TMED3: variants seen among roughly 807,000 people sequenced by gnomAD.
The protein encoded by TMED3 is transmembrane emp24 domain-containing protein 3.
TMED3 carries 9 observed loss-of-function variants against 15.0 expected under a neutral mutation model. The observed-to-expected ratio is 0.60, with a 90% CI of 0.36 to 1.04. The LOEUF (loss-of-function observed/expected upper bound fraction) is 1.04. Among genes scored for constraint, TMED3 ranks in the 50% least tolerant of loss-of-function variants. The probability of loss-of-function intolerance (pLI) is 0.01; values close to 1 mark genes in which losing one functional copy is unlikely to be tolerated. For synonymous variants in TMED3, 117 were observed against 121.4 expected (o/e 0.96, Z 0.24); for missense variants, 267 against 278.9 (o/e 0.96, Z 0.30).
At chr15:79,325,060 G>C (rs989210210), downstream of TMED3, among the ~76,000 whole-genome samples, 2 of 152,164 alleles carry the variant, frequency 1.3e-5, no homozygotes, top group Admixed American at 1.3e-4. Context: ...GACAGGTGGA[G>C]TTTGAAGGCA....
intron 2 of TMED3, among the ~76,000 whole-genome samples, chr15:79,400,330 C>T (rs928722796): frequency 2.9e-4 from 44 of 152,190 alleles, no homozygotes; most frequent in African/African-American, 9.7e-4. Flanking sequence ...CTGGCTTCTT[C>T]GGTGATCTGT....
chr15:79,376,749 G>C (rs1893432964), intron 2 of TMED3, among the ~76,000 whole-genome samples: 1 of 152,174 alleles, frequency 6.6e-6, no homozygotes, highest in African/African-American at 2.4e-5. Context: ...CTTTTGTTTA[G>C]CATTTTTATT....
downstream of TMED3, among the ~76,000 whole-genome samples, chr15:79,323,660 A>G (rs2058777079): frequency 6.6e-6 from 1 of 152,192 alleles, no homozygotes; most frequent in Non-Finnish European, 1.5e-5. Flanking sequence ...GGGAACCACC[A>G]GCCTGAATGT....
chr15:79,373,975 T>C (rs950267017), intron 2 of TMED3, among the ~76,000 whole-genome samples: 1 of 152,170 alleles, frequency 6.6e-6, no homozygotes, highest in African/African-American at 2.4e-5. Flanking sequence ...GTTCTTGTTA[T>C]GTAGATGAAG....
intron 2 of TMED3, among the ~76,000 whole-genome samples, chr15:79,333,570 A>G (rs1208211943): frequency 6.6e-6 from 1 of 152,230 alleles, no homozygotes; most frequent in East Asian, 1.9e-4. Flanking sequence ...AGGAAGAAAT[A>G]GTCTTCAGAT....
intron 2 of TMED3, chr15:79,384,106 G>T (rs28706785): frequency 0.12 from 18,018 of 152,150 alleles, 1,115 homozygotes; most frequent in Admixed American, 0.15. Context: ...TGGCTCAGAG[G>T]TTCTAAAAGC....
At chr15:79,407,131 T>C (rs1027694334) in intron 2 of TMED3, among the ~76,000 whole-genome samples, 2 of 152,236 alleles carry the variant, frequency 1.3e-5, no homozygotes, top group Non-Finnish European at 2.9e-5. Flanking sequence ...CTCTCCTGAC[T>C]CTTCCTCTAT....
At chr15:79,392,586 C>T (rs1490842055) in intron 2 of TMED3, among the ~76,000 whole-genome samples, 2 of 152,094 alleles carry the variant, frequency 1.3e-5, no homozygotes, top group Non-Finnish European at 2.9e-5. Context: ...CAGGCTTCTA[C>T]TTTTTGAATA....
At chr15:79,369,218 G>T (rs1035538565) in intron 2 of TMED3, among the ~76,000 whole-genome samples, 1 of 152,156 alleles carries the variant, frequency 6.6e-6, no homozygotes, top group Non-Finnish European at 1.5e-5. Flanking sequence ...ATTAACAGTG[G>T]ATTTATAAAC....
intron 2 of TMED3, among the ~76,000 whole-genome samples, chr15:79,343,298 CTTCTACCACCCT>C (rs2058857992): frequency 6.6e-6 from 1 of 152,198 alleles, no homozygotes; most frequent in Non-Finnish European, 1.5e-5. Context: ...ACTGCCCTCC[CTTCTACCACCCT>C]TGGTGCCTGT....
chr15:79,397,013 G>A (rs1014483727), intron 2 of TMED3, among the ~76,000 whole-genome samples: 6 of 152,154 alleles, frequency 3.9e-5, no homozygotes, highest in South Asian at 4.1e-4. Flanking sequence ...CAAAGCACCC[G>A]TTCAGATGTA....
chr15:79,377,781 G>A (rs940728350), intron 2 of TMED3, among the ~76,000 whole-genome samples: 2 of 151,914 alleles, frequency 1.3e-5, no homozygotes, highest in Non-Finnish European at 2.9e-5. Flanking sequence ...CGAGTAGCTG[G>A]GACTACAGGC....
At chr15:79,393,320 AAT>A (rs1005696491) in intron 2 of TMED3, among the ~76,000 whole-genome samples, 3 of 152,212 alleles carry the variant, frequency 2.0e-5, no homozygotes, top group African/African-American at 7.2e-5. Flanking sequence ...TTAATAAGAC[AAT>A]AAAAACTGAG....
rs1476544841 is a variant in TMED3 at position 79,322,789 on chromosome 15, G to A, written c.*575G>A. The A allele has an allele frequency of 2.0e-6, 2 of 985,402 alleles. No homozygotes were observed. Among genetic ancestry groups the A allele is most frequent in the Non-Finnish European group, 2.4e-6 (2 of 830,068 alleles). The allele number at this position is 985,402 out of a possible 1,614,324, so 61.0% of individuals were successfully genotyped here. On this transcript the variant is annotated 3_prime_UTR_variant, in exon 3 of 3. Transcript: ENST00000299705. Reference sequence around the variant, plus strand: ...CCTTGGTGAGCTGTGTATTTCCTAGGAGGTAGAAAACTGTGGGAAACTGTG... The same window carrying A: ...CCTTGGTGAGCTGTGTATTTCCTAGAAGGTAGAAAACTGTGGGAAACTGTG...
chr15:79,326,166 A>G (rs1314611621), downstream of TMED3, among the ~76,000 whole-genome samples: 1 of 152,200 alleles, frequency 6.6e-6, no homozygotes, highest in African/African-American at 2.4e-5. Context: ...TAATTCAAAG[A>G]ACAGACACAT....
chr15:79,350,282 G>A (rs572068913), intron 2 of TMED3, among the ~76,000 whole-genome samples: 2 of 152,278 alleles, frequency 1.3e-5, no homozygotes, highest in African/African-American at 2.4e-5. Flanking sequence ...ATATGAAAGC[G>A]AGTTTATTAG....
At chr15:79,375,637 G>A (rs1019828010) in intron 2 of TMED3, among the ~76,000 whole-genome samples, 1 of 151,980 alleles carries the variant, frequency 6.6e-6, no homozygotes, top group Non-Finnish European at 1.5e-5. Flanking sequence ...AGAGGGAGGA[G>A]GTGCCACATA....
chr15:79,323,125 C>A (rs918477740), downstream of TMED3, among the ~76,000 whole-genome samples: 11 of 152,342 alleles, frequency 7.2e-5, no homozygotes, highest in African/African-American at 2.4e-4. Flanking sequence ...CCTGCTCCAT[C>A]ATTTCCTTCT....
chr15:79,389,489 T>A (rs968100547), intron 2 of TMED3, among the ~76,000 whole-genome samples: 8 of 152,130 alleles, frequency 5.3e-5, no homozygotes, highest in African/African-American at 1.9e-4. Context: ...TTTTGGTGAT[T>A]ATGGGCTTAT....
Sources: allele counts gnomAD v4.1 joint callset (sites outside exome capture counted in the v4.1 genomes callset), GRCh38; gene constraint gnomAD v4.1.1; transcripts MANE v1.5; gene names NCBI Gene and HGNC (gene_info 2026-07-23, HGNC 2026-07-21).